GCN1: variants seen among roughly 807,000 people sequenced by gnomAD.
GCN1 encodes the protein stalled ribosome sensor GCN1.
Under a neutral mutation model 288.4 loss-of-function variants are expected in GCN1, and 90 were observed. The observed-to-expected ratio is 0.31, with a 90% CI of 0.26 to 0.37. The LOEUF (loss-of-function observed/expected upper bound fraction) is 0.37, where lower values mean the gene tolerates loss of function less well. GCN1 is among the 10% of genes least tolerant of loss of function. GCN1 has a pLI of 1.00. For synonymous variants in GCN1, 1,386 were observed against 1,420.2 expected, an observed-to-expected ratio of 0.98 and a Z score of 0.54; for missense variants, 2,586 against 3,419.9, an observed-to-expected ratio of 0.76 and a Z score of 6.08.
At position 120,155,271 on chromosome 12, in the gene GCN1, C is replaced by G; in HGVS notation, c.3600G>C (p.Arg1200Ser). ...GCTTTTCCTGGTAAATCTCCATGAG[C>G]CTGCCCATAACCTCCGCCGCCTGCC... ...YQRQAAEVMG[R>S]LMEIYQEKLY... Residue 1200 changes from arginine (R) to serine (S), a missense_variant, in exon 30 of 58, where the codon AGG becomes AGC. By Grantham distance (110) the Arg-to-Ser change is moderately radical (BLOSUM62 -1). Transcript: ENST00000300648. This position sits in a 1 kb window ranked among gnomAD's most constrained non-coding sequence, Gnocchi z 4.9. The G allele has an allele frequency of 6.2e-7, 1 of 1,614,196 alleles. No homozygotes were observed. The highest frequency in any genetic ancestry group is 8.5e-7 in the Non-Finnish European group (1 of 1,180,036).
chr12:120,170,392 AT>A, intron 14 of GCN1, 71 bp from the exon 15 acceptor site: 1 of 1,389,516 alleles, frequency 7.2e-7, no homozygotes, highest in South Asian at 1.2e-5. Flanking sequence ...GAAAGGATTT[AT>A]CTAACCAGCT....
At chr12:120,168,160 A>G (rs545362079) in intron 16 of GCN1, 48 bp downstream of exon 16, 1 of 1,127,498 alleles carries the variant, frequency 8.9e-7, no homozygotes, top group South Asian at 1.2e-5. Context: ...GATTTTCCAA[A>G]GAGACTTTGC....
chr12:120,194,637 AC>A (rs1465804662), intron 1 of GCN1, 42 bp downstream of exon 1: 11 of 1,506,074 alleles, frequency 7.3e-6, no homozygotes, highest in Admixed American at 6.1e-5. Flanking sequence ...CACCGTCCGC[AC>A]CCAGTCCCTG....
At position 120,134,796 on chromosome 12, in the gene GCN1, G is replaced by A. The variant is rs1876944736; in HGVS notation, c.7009-70C>T. On this transcript the variant is annotated intron_variant, in intron 51 of 57. Transcript: ENST00000300648. The surrounding 1 kb of genome is among the most constrained non-coding windows in gnomAD (Gnocchi z 5.0). ...CAAAGCCACAGTGTACCACAGGCAT[G>A]AGAACAAATGACAATCCCAAACCAC... 1 of 1,308,996 alleles carries A rather than the reference G, an allele frequency of 7.6e-7. No individual in the cohort carries two copies. Among genetic ancestry groups the A allele is most frequent in the Non-Finnish European group, 1.1e-6 (1 of 912,426 alleles). The allele number at this position is 1,308,996 out of a possible 1,614,324, so 81.1% of individuals were successfully genotyped here.
chr12:120,144,419 A>G lies in GCN1; in HGVS notation c.5382T>C (p.Arg1794=). The change falls in exon 42 of 58, where the codon CGT becomes CGC. Residue 1794 remains arginine, a synonymous_variant. Transcript: ENST00000300648. The surrounding 1 kb of genome is among the most constrained non-coding windows in gnomAD (Gnocchi z 4.7). Reference sequence around the variant, plus strand: ...GCTGGCCCGCGCGCAGGGCGGTGTCACGCACAAACTCATTCTCATCAGCAA... The same window carrying G: ...GCTGGCCCGCGCGCAGGGCGGTGTCGCGCACAAACTCATTCTCATCAGCAA... ...KALADENEFV[R]DTALRAGQRV... 6.2e-7 allele frequency: 1 copy of G among 1,614,158 alleles called. No individual in the cohort carries two copies. The highest frequency in any genetic ancestry group is 1.3e-5 in the African/African-American group (1 of 75,072).
chr12:120,149,696 C>G lies in GCN1; in HGVS notation c.4456G>C (p.Val1486Leu), dbSNP rs1380694371. ...REAADDCAKA[V>L]MSNLSAHGVK... ...CCGTGAGCACTCAAGTTGCTCATCA[C>G]AGCCTTGGCACAGTCATCTGCAGCC... is the stretch of plus-strand genomic sequence containing the variant. Residue 1486 changes from valine (V) to leucine (L), a missense_variant, in exon 36 of 58, where the codon GTG (valine) becomes CTG (leucine). Physicochemically the swap from Val to Leu is conservative, Grantham distance 32. Coordinates refer to ENST00000300648, the MANE Select transcript of GCN1 (RefSeq NM_006836.2). The G allele has an allele frequency of 1.2e-6, 2 of 1,613,880 alleles. No homozygotes were observed. Among genetic ancestry groups the G allele is most frequent in the Non-Finnish European group, 8.5e-7 (1 of 1,179,896 alleles).
At chr12:120,168,565 TG>T (rs1204902505) in intron 15 of GCN1, among the ~76,000 whole-genome samples, 2 of 152,194 alleles carry the variant, frequency 1.3e-5, no homozygotes, top group Non-Finnish European at 2.9e-5. Context: ...GGCGCCAAGC[TG>T]GAATACCTGA....
intron 2 of GCN1, 138 bp downstream of exon 2, chr12:120,190,160 G>A (rs1007056535): frequency 1.7e-6 from 1 of 586,156 alleles, no homozygotes; most frequent in South Asian, 2.1e-5. Flanking sequence ...AGGAGGTGGA[G>A]GTTGCAATGA....
At chr12:120,173,184 G>A (rs571274186) in intron 14 of GCN1, among the ~76,000 whole-genome samples, 86 of 151,060 alleles carry the variant, frequency 5.7e-4, no homozygotes, top group African/African-American at 2.0e-3. Flanking sequence ...AGCCTCCCAC[G>A]TAGCTGAGAT....
At chr12:120,181,465 C>CAAAA (rs71072594) in intron 5 of GCN1, among the ~76,000 whole-genome samples, 8 of 74,006 alleles carry the variant, frequency 1.1e-4, no homozygotes, top group Non-Finnish European at 1.2e-4. Context: ...ATCTTTGTCT[C>CAAAA]AAAAAAAAAA....
At chr12:120,143,033 C>A in intron 42 of GCN1, 92 bp from the exon 43 acceptor site, 1 of 718,590 alleles carries the variant, frequency 1.4e-6, no homozygotes, top group Non-Finnish European at 2.5e-6. Flanking sequence ...GAAGTGCACC[C>A]AAAATACTCA....
intron 11 of GCN1, 91 bp downstream of exon 11, chr12:120,175,655 C>CT: frequency 7.3e-7 from 1 of 1,363,366 alleles, no homozygotes; most frequent in Non-Finnish European, 1.0e-6. Flanking sequence ...CACAGGCAGA[C>CT]TTGGAGCATC....
intron 16 of GCN1, among the ~76,000 whole-genome samples, chr12:120,165,492 G>C (rs999620319): frequency 6.6e-6 from 1 of 151,848 alleles, no homozygotes; most frequent in African/African-American, 2.4e-5. Context: ...TTTTGAGACA[G>C]AGTCTCGCTA....
chr12:120,131,381 C>T, intron 54 of GCN1, 48 bp from the exon 55 acceptor site: 1 of 1,595,902 alleles, frequency 6.3e-7, no homozygotes, highest in Non-Finnish European at 8.6e-7. Flanking sequence ...TACAGCATGT[C>T]CCCAGCACCC....
At chr12:120,169,276 C>CAAAAAAAAAAAAA (rs35819206) in intron 15 of GCN1, among the ~76,000 whole-genome samples, 111 of 66,114 alleles carry the variant, frequency 1.7e-3, no homozygotes, top group African/African-American at 1.9e-3. Flanking sequence ...AACTCCGTCT[C>CAAAAAAAAAAAAA]AAAAAAAAAA....
intron 16 of GCN1, 144 bp from the exon 17 acceptor site, chr12:120,164,865 GTT>G (rs1179691643): frequency 4.1e-3 from 1,514 of 365,948 alleles, no homozygotes; most frequent in South Asian, 6.4e-3. Context: ...ATTACAGCTT[GTT>G]TTTTTTTTTT....
At chr12:120,131,841 TGAGG>T (rs1380549110) in intron 54 of GCN1, 81 bp downstream of exon 54, 12 of 835,450 alleles carry the variant, frequency 1.4e-5, no homozygotes, top group Admixed American at 2.0e-5. Context: ...AAAGATCCTC[TGAGG>T]GAGGGAGGGA....
intron 5 of GCN1, among the ~76,000 whole-genome samples, chr12:120,180,390 G>A (rs933450390): frequency 2.6e-5 from 4 of 151,916 alleles, no homozygotes; most frequent in Non-Finnish European, 4.4e-5. Context: ...GCTGAGGCAG[G>A]CGGATCACAA....
intron 53 of GCN1, among the ~76,000 whole-genome samples, chr12:120,132,399 C>T (rs375130056): frequency 5.6e-5 from 8 of 141,708 alleles, no homozygotes; most frequent in African/African-American, 1.5e-4. Context: ...CAGGGAGGGG[C>T]GGGAGGGGCA....
Sources: allele counts gnomAD v4.1 joint callset (sites outside exome capture counted in the v4.1 genomes callset), GRCh38; gene constraint gnomAD v4.1.1; non-coding constraint Gnocchi (gnomAD v3.1); transcripts MANE v1.5; gene names NCBI Gene and HGNC (gene_info 2026-07-23, HGNC 2026-07-21).